Variants in NRG1 observed in about 807,000 individuals in gnomAD.
The protein encoded by NRG1 is pro-neuregulin-1, membrane-bound isoform.
Under a neutral mutation model 63.8 loss-of-function variants are expected in NRG1, and 18 were observed. The observed-to-expected ratio is 0.28, with a 90% CI of 0.19 to 0.42. NRG1 has a LOEUF of 0.42. Ranked by LOEUF, NRG1 falls within the 10% of genes least tolerant of loss-of-function variation. NRG1 has a pLI of 1.00. For synonymous variants in NRG1, 302 were observed against 301.3 expected, an observed-to-expected ratio of 1.00 and a Z score of -0.02; for missense variants, 762 against 814.7, an observed-to-expected ratio of 0.94 and a Z score of 0.79.
chr8:32,752,485 G>A (rs552943537), intron 7 of NRG1, among the ~76,000 whole-genome samples: 2 of 152,238 alleles, frequency 1.3e-5, no homozygotes, highest in East Asian at 1.9e-4. Flanking sequence ...CAGCCGCTTC[G>A]CTTTCTAATT....
At chr8:31,949,002 G>A (rs182248626) in intron 1 of NRG1, among the ~76,000 whole-genome samples, 1 of 152,194 alleles carries the variant, frequency 6.6e-6, no homozygotes, top group African/African-American at 2.4e-5. Context: ...AAATGTATTT[G>A]TTAAATGATT....
chr8:32,444,440 C>T (rs2129487662), intron 1 of NRG1, among the ~76,000 whole-genome samples: 1 of 152,202 alleles, frequency 6.6e-6, no homozygotes, highest in South Asian at 2.1e-4. Flanking sequence ...ATGTCCAGCC[C>T]AATACCATTT....
intron 1 of NRG1, among the ~76,000 whole-genome samples, chr8:32,314,339 C>G (rs896156834): frequency 1.3e-5 from 2 of 152,164 alleles, no homozygotes; most frequent in Admixed American, 1.3e-4. Context: ...AAAGTGGAAA[C>G]ATGGATGTCT....
intron 1 of NRG1, among the ~76,000 whole-genome samples, chr8:31,775,432 C>T (rs1030343172): frequency 6.6e-6 from 1 of 152,004 alleles, no homozygotes; most frequent in Non-Finnish European, 1.5e-5. Context: ...CTCTGAGGAC[C>T]CCAAAAGCAC....
intron 5 of NRG1, among the ~76,000 whole-genome samples, chr8:32,644,376 G>A (rs956839052): frequency 2.6e-5 from 4 of 152,098 alleles, no homozygotes; most frequent in Non-Finnish European, 5.9e-5. Flanking sequence ...AGGAAATTCT[G>A]ACCTCTAACC....
downstream of NRG1, among the ~76,000 whole-genome samples, chr8:32,770,403 C>T (rs1016524594): frequency 6.6e-6 from 1 of 152,164 alleles, no homozygotes; most frequent in African/African-American, 2.4e-5. Flanking sequence ...GGTTTTCTGA[C>T]TGCAAATCCA....
intron 1 of NRG1, among the ~76,000 whole-genome samples, chr8:31,966,852 G>GT (rs1806418346): frequency 6.7e-5 from 4 of 59,546 alleles, no homozygotes; most frequent in African/African-American, 2.1e-4. Context: ...AATTCTCAGT[G>GT]GTTTTTTTTA....
intron 10 of NRG1, 24 bp downstream of exon 10, chr8:32,759,460 G>A (rs1335462160): frequency 5.6e-6 from 9 of 1,606,492 alleles, no homozygotes; most frequent in African/African-American, 1.3e-5. Flanking sequence ...AAAATTCCAC[G>A]GCTTTTCTCT....
intron 1 of NRG1, among the ~76,000 whole-genome samples, chr8:32,135,912 A>T (rs1174437044): frequency 6.6e-6 from 1 of 152,188 alleles, no homozygotes; most frequent in Admixed American, 6.5e-5. Flanking sequence ...ACTCTAAAGG[A>T]TCAAAAGCAA....
chr8:32,008,837 G>A (rs757606821), intron 1 of NRG1, among the ~76,000 whole-genome samples: 64 of 152,032 alleles, frequency 4.2e-4, no homozygotes, highest in Non-Finnish European at 6.3e-4. Context: ...AATATCACTT[G>A]TGCCTGCTAA....
chr8:32,080,802 TGTGTGTGA>T (rs1454440768), intron 1 of NRG1, among the ~76,000 whole-genome samples: 6 of 107,716 alleles, frequency 5.6e-5, no homozygotes, highest in African/African-American at 1.4e-4. Context: ...TGTGTGTGTG[TGTGTGTGA>T]CAGAGACAGA....
intron 5 of NRG1, chr8:32,647,183 G>C (rs959600306): frequency 2.0e-6 from 2 of 985,214 alleles, no homozygotes; most frequent in African/African-American, 3.5e-5. Context: ...TTCAGCCGTC[G>C]TCGCGTTAAC....
chr8:32,273,035 T>G (rs1197041414), intron 1 of NRG1, among the ~76,000 whole-genome samples: 4 of 152,172 alleles, frequency 2.6e-5, no homozygotes, highest in African/African-American at 9.7e-5. Context: ...TTGGCTGAAT[T>G]TGTATTCATT....
In NRG1 at chr8:32,710,740, T is replaced by A. The variant is rs573019944; in HGVS notation, c.503-17209T>A. Among the ~76,000 whole-genome samples, 414 of 152,330 alleles carry A rather than the reference T, an allele frequency of 2.7e-3. 1 individual carries two copies. Among genetic ancestry groups the A allele is most frequent in the African/African-American group, 9.6e-3 (400 of 41,574 alleles). On this transcript the variant is annotated intron_variant, in intron 5 of 11. Coordinates refer to ENST00000356819, the Ensembl canonical transcript of NRG1. ...ATTGAATTTCTGATAACTTTCATAT[T>A]ATACTTTAGTCTAACTACTCAAGAT...
At chr8:31,931,201 G>A (rs1385763807) in intron 1 of NRG1, among the ~76,000 whole-genome samples, 1 of 152,118 alleles carries the variant, frequency 6.6e-6, no homozygotes. Flanking sequence ...ACCTCTCACC[G>A]AAACCTTAGG....
intron 6 of NRG1, among the ~76,000 whole-genome samples, chr8:32,735,773 G>A (rs902371787): frequency 6.6e-6 from 1 of 152,184 alleles, no homozygotes; most frequent in African/African-American, 2.4e-5. Flanking sequence ...AGCAAGCTGT[G>A]CAAACAGAGA....
intron 1 of NRG1, among the ~76,000 whole-genome samples, chr8:31,709,988 T>TTA: frequency 6.6e-6 from 1 of 151,864 alleles, no homozygotes; most frequent in Admixed American, 6.5e-5. Context: ...TAAATTTCAT[T>TTA]CAGAAACTCA....
chr8:32,685,575 T>C (rs942006421), intron 5 of NRG1, among the ~76,000 whole-genome samples: 1 of 152,262 alleles, frequency 6.6e-6, no homozygotes, highest in Non-Finnish European at 1.5e-5. Context: ...AATAGATTCC[T>C]AGCAAATCTT....
At chr8:32,061,513 C>T (rs1316949442) in intron 1 of NRG1, among the ~76,000 whole-genome samples, 1 of 151,962 alleles carries the variant, frequency 6.6e-6, no homozygotes, top group Non-Finnish European at 1.5e-5. Flanking sequence ...CCGCCTTCCA[C>T]TTGTGATCTG....
Sources: allele counts gnomAD v4.1 joint callset (sites outside exome capture counted in the v4.1 genomes callset), GRCh38; gene constraint gnomAD v4.1.1; transcripts MANE v1.5; gene names NCBI Gene and HGNC (gene_info 2026-07-23, HGNC 2026-07-21).